CNTN1: variants seen among roughly 807,000 people sequenced by gnomAD.
CNTN1 encodes contactin 1, also known as contactin-1.
In CNTN1, 38 loss-of-function variants were observed where a neutral mutation model predicts 126.4. That is an observed-to-expected ratio of 0.30 (90% CI 0.23 to 0.39). CNTN1 has a LOEUF of 0.39. Among genes scored for constraint, CNTN1 ranks in the 10% least tolerant of loss-of-function variants. CNTN1 has a pLI of 1.00. For synonymous variants in CNTN1, 413 were observed against 422.6 expected (o/e 0.98, Z 0.28); for missense variants, 1,009 against 1,248.4 (o/e 0.81, Z 2.89).
At chr12:40,739,381 T>C (rs964227164) in intron 1 of CNTN1, among the ~76,000 whole-genome samples, 6 of 152,080 alleles carry the variant, frequency 3.9e-5, no homozygotes, top group African/African-American at 1.4e-4. Flanking sequence ...TCTAAAATGT[T>C]CTTGATCACA....
intron 1 of CNTN1, among the ~76,000 whole-genome samples, chr12:40,780,685 A>AG (rs1248248619): frequency 1.2e-5 from 1 of 81,274 alleles, no homozygotes; most frequent in Non-Finnish European, 2.6e-5. Context: ...ATTCCATCTA[A>AG]GAAAAAAAAA....
At chr12:40,866,396 T>C (rs1375023561) in intron 1 of CNTN1, among the ~76,000 whole-genome samples, 1 of 152,304 alleles carries the variant, frequency 6.6e-6, no homozygotes, top group East Asian at 1.9e-4. Context: ...CCTGATCATA[T>C]GGGAAAAGTA....
intron 5 of CNTN1, among the ~76,000 whole-genome samples, chr12:40,923,649 T>C (rs1317702383): frequency 6.6e-6 from 1 of 152,142 alleles, no homozygotes; most frequent in Non-Finnish European, 1.5e-5. Flanking sequence ...ATTTCAAGGA[T>C]GGCAGGAAGC....
At chr12:40,955,647 G>A (rs1946851154) in intron 14 of CNTN1, among the ~76,000 whole-genome samples, 1 of 152,050 alleles carries the variant, frequency 6.6e-6, no homozygotes, top group Admixed American at 6.6e-5. Flanking sequence ...TCTCTTGTAT[G>A]TCAGATATTA....
chr12:40,827,195 A>T (rs1398079943), intron 1 of CNTN1, among the ~76,000 whole-genome samples: 1 of 151,512 alleles, frequency 6.6e-6, no homozygotes, highest in Non-Finnish European at 1.5e-5. Flanking sequence ...TTTTTCAGGC[A>T]ATGAAAACAA....
intron 1 of CNTN1, among the ~76,000 whole-genome samples, chr12:40,841,641 G>A (rs1175074099): frequency 6.6e-6 from 1 of 151,820 alleles, no homozygotes; most frequent in Non-Finnish European, 1.5e-5. Context: ...TTCTATAAAG[G>A]TGATACATTA....
Position 41,007,099 on chromosome 12 carries a change from G to A in CNTN1, c.2114-7129G>A, listed in dbSNP as rs367924181. Among the ~76,000 whole-genome samples the A allele has an allele frequency of 2.3e-3, 270 of 115,292 alleles. 2 individuals are homozygous for A. Among genetic ancestry groups the A allele is most frequent in the African/African-American group, 8.0e-3 (250 of 31,096 alleles). 75.6% of individuals were successfully genotyped at this position (115,292 alleles called of 152,430 possible). A position where few individuals can be genotyped will look rare whatever the true frequency, so the allele number is the denominator to read the frequency against. On this transcript the variant is annotated intron_variant, in intron 17 of 23. Coordinates refer to ENST00000551295, the MANE Select transcript of CNTN1 (RefSeq NM_001843.4). ...TTTTGAGACGGAGTCTCGCTCTGTCGCCCAGGCTGGAGTGCAGTGGCGGGA... is the reference window on the plus strand; with the variant it reads ...TTTTGAGACGGAGTCTCGCTCTGTCACCCAGGCTGGAGTGCAGTGGCGGGA...
At chr12:40,830,788 A>AGT (rs200211189) in intron 1 of CNTN1, among the ~76,000 whole-genome samples, 1,573 of 65,754 alleles carry the variant, frequency 0.024, 47 homozygotes, top group African/African-American at 0.059. Flanking sequence ...GAGAAAGTAT[A>AGT]GTGTATATAT....
chr12:40,925,832 A>ATATATATATATATATT (rs1426992034), intron 6 of CNTN1, among the ~76,000 whole-genome samples: 1 of 76,356 alleles, frequency 1.3e-5, no homozygotes, highest in African/African-American at 6.4e-5. Context: ...ATATATATGT[A>ATATATATATATATATT]TGTGTGTGTG....
At chr12:40,774,767 T>C (rs1311522253) in intron 1 of CNTN1, among the ~76,000 whole-genome samples, 1 of 145,850 alleles carries the variant, frequency 6.9e-6, no homozygotes, top group Non-Finnish European at 1.5e-5. Flanking sequence ...ACTTTTGGCC[T>C]TTTTTTTTTA....
At chr12:40,937,834 TATC>T (rs1168730048) in intron 11 of CNTN1, 147 bp downstream of exon 11, 1 of 668,086 alleles carries the variant, frequency 1.5e-6, no homozygotes, top group Non-Finnish European at 2.7e-6. Context: ...TATTGCTAAT[TATC>T]ATAATTCAGA....
intron 1 of CNTN1, among the ~76,000 whole-genome samples, chr12:40,803,766 G>A (rs754106893): frequency 6.6e-6 from 1 of 151,692 alleles, no homozygotes; most frequent in Non-Finnish European, 1.5e-5. Flanking sequence ...AGAGGAGAGG[G>A]GAAGAGGGAA....
At chr12:40,700,393 G>A (rs1156387206) in intron 1 of CNTN1, among the ~76,000 whole-genome samples, 18 of 152,018 alleles carry the variant, frequency 1.2e-4, no homozygotes, top group Admixed American at 1.0e-3. Context: ...GGGCATGGTG[G>A]CACATGCCTA....
intron 14 of CNTN1, among the ~76,000 whole-genome samples, chr12:40,954,888 C>T (rs1404276363): frequency 6.6e-6 from 1 of 152,094 alleles, no homozygotes; most frequent in Non-Finnish European, 1.5e-5. Flanking sequence ...TGCCAACCAG[C>T]AAAGCTTACC....
At chr12:40,942,401 T>C (rs1946291680) in intron 12 of CNTN1, among the ~76,000 whole-genome samples, 1 of 152,120 alleles carries the variant, frequency 6.6e-6, no homozygotes, top group African/African-American at 2.4e-5. Context: ...AAAGATTGTG[T>C]TGAAATGACT....
At chr12:41,046,282 T>C (rs907562526) in intron 23 of CNTN1, among the ~76,000 whole-genome samples, 2 of 152,186 alleles carry the variant, frequency 1.3e-5, no homozygotes, top group African/African-American at 4.8e-5. Flanking sequence ...ACTTGGATGG[T>C]AAAAAATTAC....
chr12:41,046,600 T>C (rs1453160494), intron 23 of CNTN1, among the ~76,000 whole-genome samples: 1 of 152,068 alleles, frequency 6.6e-6, no homozygotes, highest in Admixed American at 6.6e-5. Flanking sequence ...ATAAGAGCAT[T>C]ATTCTCAGTA....
At chr12:41,011,743 G>A (rs1262554877) in intron 17 of CNTN1, among the ~76,000 whole-genome samples, 1 of 152,216 alleles carries the variant, frequency 6.6e-6, no homozygotes, top group African/African-American at 2.4e-5. Flanking sequence ...CCTCCTTAAT[G>A]GAGGAAGCGT....
chr12:40,799,165 G>A (rs557697874), intron 1 of CNTN1, among the ~76,000 whole-genome samples: 111 of 151,008 alleles, frequency 7.4e-4, no homozygotes, highest in Non-Finnish European at 1.4e-3. Context: ...ATAATCTATA[G>A]CCTAATATTG....
Sources: allele counts gnomAD v4.1 joint callset (sites outside exome capture counted in the v4.1 genomes callset), GRCh38; gene constraint gnomAD v4.1.1; transcripts MANE v1.5; gene names NCBI Gene and HGNC (gene_info 2026-07-23, HGNC 2026-07-21).